MDGA2: variants seen among roughly 807,000 people sequenced by gnomAD.
MDGA2 encodes MAM domain containing glycosylphosphatidylinositol anchor 2.
MDGA2 carries 40 observed loss-of-function variants against 117.8 expected under a neutral mutation model. The observed-to-expected ratio is 0.34, with a 90% CI of 0.26 to 0.44. The LOEUF (loss-of-function observed/expected upper bound fraction) is 0.44, where lower values mean the gene tolerates loss of function less well. MDGA2 is among the 20% of genes least tolerant of loss of function. The pLI, the probability that MDGA2 is intolerant of heterozygous loss-of-function variation, is 1.00. For synonymous variants in MDGA2, 452 were observed against 439.0 expected (o/e 1.03, Z -0.37); for missense variants, 1,123 against 1,250.6 (o/e 0.90, Z 1.54).
At chr14:47,097,943 C>T (rs1880071505) in intron 5 of MDGA2, among the ~76,000 whole-genome samples, 1 of 151,892 alleles carries the variant, frequency 6.6e-6, no homozygotes, top group Non-Finnish European at 1.5e-5. Context: ...TCAAACACTC[C>T]AAATAGAAAC....
chr14:47,133,520 C>A (rs985639935), intron 4 of MDGA2, among the ~76,000 whole-genome samples: 3 of 151,906 alleles, frequency 2.0e-5, no homozygotes, highest in African/African-American at 7.2e-5. Flanking sequence ...TATAACATTT[C>A]ATTAGGTGGC....
At chr14:46,885,915 G>A (rs548231219) in intron 10 of MDGA2, among the ~76,000 whole-genome samples, 1 of 152,206 alleles carries the variant, frequency 6.6e-6, no homozygotes, top group East Asian at 1.9e-4. Flanking sequence ...GTAACCAAAT[G>A]TGTCCAACCA....
At chr14:46,910,631 G>A (rs1007801110) in intron 10 of MDGA2, among the ~76,000 whole-genome samples, 1 of 152,126 alleles carries the variant, frequency 6.6e-6, no homozygotes, top group African/African-American at 2.4e-5. Flanking sequence ...GTTCTGGCCA[G>A]AGCAATCAGG....
chr14:47,576,757 G>A (rs1027150101), intron 1 of MDGA2, among the ~76,000 whole-genome samples: 7 of 152,050 alleles, frequency 4.6e-5, no homozygotes, highest in Admixed American at 4.6e-4. Flanking sequence ...TCTAGTCTGT[G>A]CATCAGTGTA....
At chr14:47,000,375 A>ATT (rs1555342213) in intron 8 of MDGA2, among the ~76,000 whole-genome samples, 1 of 87,036 alleles carries the variant, frequency 1.1e-5, no homozygotes, top group African/African-American at 5.6e-5. Context: ...GTATATATAT[A>ATT]TTTATATATA....
At chr14:47,139,346 G>A (rs1046583118) in intron 4 of MDGA2, among the ~76,000 whole-genome samples, 3 of 151,948 alleles carry the variant, frequency 2.0e-5, no homozygotes, top group African/African-American at 7.2e-5. Flanking sequence ...ATGTGCTAAT[G>A]TCTCCACCTT....
chr14:47,281,063 CAATT>C (rs1337240194), intron 2 of MDGA2, among the ~76,000 whole-genome samples: 1 of 146,920 alleles, frequency 6.8e-6, no homozygotes, highest in Non-Finnish European at 1.5e-5. Flanking sequence ...AAGCTGTGTT[CAATT>C]AATATAATAT....
At chr14:47,260,218 T>C (rs73251645) in intron 2 of MDGA2, among the ~76,000 whole-genome samples, 5,991 of 152,126 alleles carry the variant, frequency 0.039, 130 homozygotes, top group African/African-American at 0.047. Context: ...AATCTTTAAA[T>C]TGATGCAGAT....
intron 1 of MDGA2, among the ~76,000 whole-genome samples, chr14:47,592,945 C>T (rs1488367375): frequency 6.6e-6 from 1 of 151,942 alleles, no homozygotes; most frequent in Non-Finnish European, 1.5e-5. Flanking sequence ...CTGGAGTGAA[C>T]AAACAATCTA....
intron 5 of MDGA2, among the ~76,000 whole-genome samples, chr14:47,115,840 A>T (rs1881299099): frequency 6.6e-6 from 1 of 152,056 alleles, no homozygotes; most frequent in Admixed American, 6.6e-5. Context: ...TTCAGTGTGA[A>T]AATCAAAAAG....
intron 5 of MDGA2, among the ~76,000 whole-genome samples, chr14:47,115,270 C>A (rs1190365299): frequency 6.6e-6 from 1 of 151,890 alleles, no homozygotes; most frequent in Non-Finnish European, 1.5e-5. Context: ...CAGACAAGTA[C>A]TGTGTCATAT....
chr14:47,249,311 C>T (rs1400454781), intron 2 of MDGA2, among the ~76,000 whole-genome samples: 2 of 151,958 alleles, frequency 1.3e-5, no homozygotes, highest in Non-Finnish European at 2.9e-5. Context: ...GTCACCACGC[C>T]CGGCCTCTTT....
At chr14:47,209,401 G>T (rs1323531742) in intron 3 of MDGA2, among the ~76,000 whole-genome samples, 2 of 152,088 alleles carry the variant, frequency 1.3e-5, no homozygotes, top group Non-Finnish European at 2.9e-5. Flanking sequence ...TTGAATGAGG[G>T]ACCTAAAGGC....
intron 8 of MDGA2, among the ~76,000 whole-genome samples, chr14:46,998,267 G>T (rs1887372294): frequency 6.6e-6 from 1 of 151,936 alleles, no homozygotes; most frequent in Non-Finnish European, 1.5e-5. Flanking sequence ...AACATGGTGA[G>T]ATCCAGTCTC....
At chr14:47,040,447 C>T (rs1889024201) in intron 7 of MDGA2, among the ~76,000 whole-genome samples, 1 of 152,070 alleles carries the variant, frequency 6.6e-6, no homozygotes, top group Non-Finnish European at 1.5e-5. Context: ...CAATCTATTT[C>T]CCAAAACTCA....
At chr14:46,974,745 T>C (rs905041837) in intron 8 of MDGA2, among the ~76,000 whole-genome samples, 1 of 152,052 alleles carries the variant, frequency 6.6e-6, no homozygotes, top group South Asian at 2.1e-4. Context: ...AAATGTAAGA[T>C]TCAAAAATAT....
chr14:47,006,556 TATCAG>T (rs1448723329), intron 8 of MDGA2, among the ~76,000 whole-genome samples: 3 of 150,868 alleles, frequency 2.0e-5, no homozygotes, highest in Non-Finnish European at 3.0e-5. Flanking sequence ...TATTATATCA[TATCAG>T]ATAACTTAAA....
At chr14:46,861,141 A>G (rs1566495324) in intron 14 of MDGA2, among the ~76,000 whole-genome samples, 1 of 151,828 alleles carries the variant, frequency 6.6e-6, no homozygotes. Context: ...GATTTAATTG[A>G]CAGGAAATAC....
chr14:47,239,086 T>C (rs573483717), intron 2 of MDGA2, among the ~76,000 whole-genome samples: 16 of 151,690 alleles, frequency 1.1e-4, no homozygotes, highest in Non-Finnish European at 1.9e-4. Flanking sequence ...TAAATTATCT[T>C]CCACAAATTT....
Sources: gnomAD v4.1 joint callset for allele counts (sites outside exome capture counted in the v4.1 genomes callset) on GRCh38, gnomAD v4.1.1 for gene constraint, MANE v1.5 for transcripts, NCBI Gene and HGNC (gene_info 2026-07-23, HGNC 2026-07-21) for gene names.